Variants in PCMTD1 observed in about 807,000 individuals in gnomAD.
PCMTD1 encodes the protein protein-L-isoaspartate (D-aspartate) O-methyltransferase domain containing 1, also known as protein-L-isoaspartate O-methyltransferase domain-containing protein 1.
Under a neutral mutation model 37.6 loss-of-function variants are expected in PCMTD1, and 12 were observed. The observed-to-expected ratio is 0.32, with a 90% CI of 0.20 to 0.52. The LOEUF (loss-of-function observed/expected upper bound fraction) is 0.52. Among genes scored for constraint, PCMTD1 ranks in the 20% least tolerant of loss-of-function variants. The pLI, the probability that PCMTD1 is intolerant of heterozygous loss-of-function variation, is 0.97. For missense variants in PCMTD1, 235 were observed against 421.3 expected, an observed-to-expected ratio of 0.56 and a Z score of 3.87; for synonymous variants, 117 against 135.8, an observed-to-expected ratio of 0.86 and a Z score of 0.96.
chr8:51,882,971 C>CA (rs71252917), intron 1 of PCMTD1, among the ~76,000 whole-genome samples: 92,754 of 137,442 alleles, frequency 0.67, 37,063 homozygotes, highest in Non-Finnish European at 0.89. Flanking sequence ...ACTAAAAATA[C>CA]AAAAAAAAAA....
In PCMTD1 at chr8:51,845,770, T is replaced by C; in HGVS notation, c.308-7A>G. 11 of 1,598,710 alleles carry C rather than the reference T, an allele frequency of 6.9e-6. No individual in the cohort carries two copies. Among genetic ancestry groups the C allele is most frequent in the Non-Finnish European group, 9.4e-6 (11 of 1,167,614 alleles). ...TGATTTATTCCAAAAGGACCTGCAA[T>C]CGTAGCAGCATTTTTATAAAAAATA... On this transcript the variant is annotated splice_region_variant and splice_polypyrimidine_tract_variant and intron_variant, in intron 2 of 5. Transcript: ENST00000522514.
At chr8:51,863,575 C>A (rs1378938381) in intron 1 of PCMTD1, among the ~76,000 whole-genome samples, 1 of 152,126 alleles carries the variant, frequency 6.6e-6, no homozygotes, top group African/African-American at 2.4e-5. Flanking sequence ...TCACCTGAGG[C>A]CAGGAGTTCA....
intron 5 of PCMTD1, chr8:51,827,055 A>G: frequency 1.0e-6 from 1 of 976,914 alleles, no homozygotes; most frequent in Non-Finnish European, 1.2e-6. Flanking sequence ...ATTTCCTGCA[A>G]TTAAGGAATA....
chr8:51,867,579 A>G (rs1394100415), intron 1 of PCMTD1, among the ~76,000 whole-genome samples: 1 of 151,646 alleles, frequency 6.6e-6, no homozygotes, highest in East Asian at 1.9e-4. Context: ...TATACATATA[A>G]AATCCATTTA....
chr8:51,824,676 C>T (rs1034227023), intron 5 of PCMTD1, among the ~76,000 whole-genome samples: 4 of 152,176 alleles, frequency 2.6e-5, no homozygotes, highest in South Asian at 2.1e-4. Context: ...TGACTTTCTT[C>T]AGAGAACTGG....
intron 1 of PCMTD1, among the ~76,000 whole-genome samples, chr8:51,884,073 A>G (rs1162445388): frequency 6.6e-6 from 1 of 152,190 alleles, no homozygotes; most frequent in African/African-American, 2.4e-5. Flanking sequence ...ATCCTAAAAT[A>G]AAAGCTACAA....
intron 3 of PCMTD1, among the ~76,000 whole-genome samples, chr8:51,836,089 T>C (rs1363435019): frequency 1.3e-5 from 2 of 152,170 alleles, no homozygotes; most frequent in Non-Finnish European, 2.9e-5. Context: ...ATCCTACTAA[T>C]TGAAATATAA....
chr8:51,897,738 C>A (rs1232843469), intron 1 of PCMTD1, among the ~76,000 whole-genome samples: 2 of 152,060 alleles, frequency 1.3e-5, no homozygotes, highest in East Asian at 1.9e-4. Flanking sequence ...GAAAACTTGG[C>A]GACCATGTTT....
At position 51,845,691 on chromosome 8, in the gene PCMTD1, C is replaced by T. The variant is rs751470226; in HGVS notation, c.380G>A (p.Ser127Asn). 9 of 1,612,768 alleles carry T rather than the reference C, an allele frequency of 5.6e-6. No individual in the cohort carries two copies. The South Asian group carries it at 9.9e-5, about 18-fold the overall frequency. ...AAAGCTATCACTATTTTTGATGAAG[C>T]TCTCCAGTTTTTCCTTGGCATATTC... ...VVEYAKEKLESFIKNSDSFDK... is the reference protein window; with the variant it reads ...VVEYAKEKLENFIKNSDSFDK... Residue 127 changes from serine (S) to asparagine (N), a missense_variant, in exon 3 of 6, where the codon AGC (serine) becomes AAC (asparagine). By Grantham distance (46) the Ser-to-Asn change is conservative. This residue lies in a region of PCMTD1 where 183 missense variants were observed against 349.3 expected (regional missense o/e 0.52). Transcript: ENST00000522514.
intron 1 of PCMTD1, among the ~76,000 whole-genome samples, chr8:51,875,814 C>T (rs573370264): frequency 6.6e-6 from 1 of 152,090 alleles, no homozygotes. Context: ...TACCTGCAGT[C>T]CCAGCTACTT....
intron 5 of PCMTD1, among the ~76,000 whole-genome samples, chr8:51,828,444 T>C (rs556436555): frequency 6.6e-6 from 1 of 152,250 alleles, no homozygotes; most frequent in South Asian, 2.1e-4. Flanking sequence ...ACACAGATAG[T>C]CCCTGACTTA....
chr8:51,868,069 GA>G (rs2038585271), intron 1 of PCMTD1, among the ~76,000 whole-genome samples: 1 of 152,020 alleles, frequency 6.6e-6, no homozygotes, highest in Admixed American at 6.6e-5. Context: ...AACATATATT[GA>G]AACATCACAT....
At chr8:51,852,921 G>C (rs1413196855) in intron 2 of PCMTD1, among the ~76,000 whole-genome samples, 1 of 152,154 alleles carries the variant, frequency 6.6e-6, no homozygotes, top group Admixed American at 6.5e-5. Context: ...CTCACTTCTG[G>C]AATCTTTTGT....
chr8:51,866,558 G>A (rs181624593), intron 1 of PCMTD1, among the ~76,000 whole-genome samples: 2 of 151,896 alleles, frequency 1.3e-5, no homozygotes, highest in African/African-American at 4.8e-5. Context: ...AGTGCTGCTG[G>A]GAAAACTGGA....
intron 1 of PCMTD1, among the ~76,000 whole-genome samples, chr8:51,871,733 C>T (rs2038642040): frequency 6.6e-6 from 1 of 152,186 alleles, no homozygotes; most frequent in African/African-American, 2.4e-5. Context: ...TGTAAAAACA[C>T]ATGAAAGTTA....
intron 1 of PCMTD1, among the ~76,000 whole-genome samples, chr8:51,877,410 TAAA>T (rs1358902059): frequency 6.6e-6 from 1 of 152,182 alleles, no homozygotes; most frequent in Non-Finnish European, 1.5e-5. Flanking sequence ...CGCTTTTAAA[TAAA>T]GAAGAGGAAC....
chr8:51,867,194 G>A (rs1432939255), intron 1 of PCMTD1, among the ~76,000 whole-genome samples: 3 of 152,016 alleles, frequency 2.0e-5, no homozygotes, highest in African/African-American at 4.8e-5. Flanking sequence ...AAGATAACAA[G>A]TATTGGCAAG....
At chr8:51,890,208 A>ACCTTT (rs2129295053) in intron 1 of PCMTD1, among the ~76,000 whole-genome samples, 1 of 152,308 alleles carries the variant, frequency 6.6e-6, no homozygotes, top group African/African-American at 2.4e-5. Flanking sequence ...TAAAGGTTCA[A>ACCTTT]ATTACTCTAT....
At chr8:51,883,339 T>C (rs901907759) in intron 1 of PCMTD1, among the ~76,000 whole-genome samples, 3 of 152,174 alleles carry the variant, frequency 2.0e-5, no homozygotes, top group Non-Finnish European at 4.4e-5. Context: ...GATGCCACAG[T>C]TCCCATTAAA....
Sources: allele counts gnomAD v4.1 joint callset (sites outside exome capture counted in the v4.1 genomes callset), GRCh38; gene constraint gnomAD v4.1.1; regional missense constraint gnomAD v4.1.1; transcripts MANE v1.5; gene names NCBI Gene and HGNC (gene_info 2026-07-23, HGNC 2026-07-21).